Variants in CD48 observed in about 807,000 individuals in gnomAD.
CD48 encodes CD48 molecule.
CD48 carries 20 observed loss-of-function variants against 22.0 expected under a neutral mutation model. The observed-to-expected ratio is 0.91, with a 90% CI of 0.64 to 1.32. CD48 has a LOEUF of 1.32. CD48 is among the 40% of genes most tolerant of loss of function. The pLI, the probability that CD48 is intolerant of heterozygous loss-of-function variation, is 0.00. For missense variants in CD48, 307 were observed against 286.5 expected (o/e 1.07, Z -0.52); for synonymous variants, 110 against 110.1 (o/e 1.00, Z 0.01).
At chr1:160,698,104 C>T (rs1042015659) in intron 1 of CD48, among the ~76,000 whole-genome samples, 1 of 152,162 alleles carries the variant, frequency 6.6e-6, no homozygotes, top group Admixed American at 6.5e-5. Flanking sequence ...ATACTATCGA[C>T]CTAAATTCCA....
chr1:160,706,085 A>ATT (rs1558039758), intron 1 of CD48, among the ~76,000 whole-genome samples: 1 of 151,944 alleles, frequency 6.6e-6, no homozygotes, highest in African/African-American at 2.4e-5. Flanking sequence ...ATATATATAT[A>ATT]ATTTTTTTTA....
In CD48 at chr1:160,679,139, A is replaced by G. The variant is rs1311840264; in HGVS notation, c.653-8T>C. The G allele has an allele frequency of 2.5e-6, 4 of 1,613,566 alleles. No homozygotes were observed. Among genetic ancestry groups the G allele is most frequent in the Non-Finnish European group, 2.5e-6 (3 of 1,179,446 alleles). ...CTACTCCAAAGGACCGGGCTGAAAG[A>G]GCAAGAAAACCCTATATGCTTAGGT... On this transcript the variant is annotated splice_polypyrimidine_tract_variant and splice_region_variant and intron_variant, in intron 3 of 3. Transcript: ENST00000368046.
At chr1:160,701,209 G>A (rs1250300016) in intron 1 of CD48, among the ~76,000 whole-genome samples, 1 of 34,140 alleles carries the variant, frequency 2.9e-5, no homozygotes, top group East Asian at 9.6e-4. Flanking sequence ...AACTATGAGA[G>A]GCTAATTTTT....
chr1:160,697,842 C>T (rs1333326048), intron 1 of CD48, among the ~76,000 whole-genome samples: 1 of 151,994 alleles, frequency 6.6e-6, no homozygotes, highest in Non-Finnish European at 1.5e-5. Context: ...CAGTCGTGTC[C>T]AAGTGCACAA....
At chr1:160,711,015 C>T (rs1662930107) in intron 1 of CD48, among the ~76,000 whole-genome samples, 1 of 152,150 alleles carries the variant, frequency 6.6e-6, no homozygotes, top group African/African-American at 2.4e-5. Flanking sequence ...GGTGAGGCAG[C>T]TCTAACAGGA....
intron 1 of CD48, among the ~76,000 whole-genome samples, chr1:160,693,850 G>A (rs532811427): frequency 6.6e-6 from 1 of 152,388 alleles, no homozygotes; most frequent in African/African-American, 2.4e-5. Context: ...GTTCCTCAGG[G>A]TTTTCAGGGA....
chr1:160,711,269 T>A (rs1388373621), intron 1 of CD48, among the ~76,000 whole-genome samples: 1 of 152,230 alleles, frequency 6.6e-6, no homozygotes, highest in African/African-American at 2.4e-5. Context: ...TGGCTCAGGA[T>A]GCAACACCTC....
At chr1:160,690,918 C>T (rs1662188496) in intron 1 of CD48, among the ~76,000 whole-genome samples, 2 of 152,236 alleles carry the variant, frequency 1.3e-5, no homozygotes, top group East Asian at 3.9e-4. Flanking sequence ...GACCTTACCC[C>T]CAACCCCGTG....
chr1:160,705,674 T>C (rs1018823110), intron 1 of CD48, among the ~76,000 whole-genome samples: 4 of 152,198 alleles, frequency 2.6e-5, no homozygotes, highest in Non-Finnish European at 4.4e-5. Context: ...ATTCCAGATT[T>C]GTTCTCCTTC....
Position 160,679,072 on chromosome 1 carries a change from G to T in CD48, c.712C>A (p.Leu238Ile). Reference sequence around the variant, plus strand: ...TCATCTCAGGTAAGTAACAGGCCAAGAATGGTGGGCACCGTGACCACTAGC... The same window carrying T: ...TCATCTCAGGTAAGTAACAGGCCAATAATGGTGGGCACCGTGACCACTAGC... Reference protein sequence around the residue: ...SWLVVTVPTILGLLLT With the variant: ...SWLVVTVPTIIGLLLT Residue 238 changes from leucine (L) to isoleucine (I), a missense_variant, in exon 4 of 4, where the codon CTT becomes ATT. Transcript: ENST00000368046. 1.2e-6 allele frequency: 2 copies of T among 1,614,034 alleles called. No individual in the cohort carries two copies. The highest frequency in any genetic ancestry group is 1.7e-6 in the Non-Finnish European group (2 of 1,179,888).
chr1:160,684,925 C>T lies in CD48; in HGVS notation c.347G>A (p.Gly116Glu), dbSNP rs112118306. ...TYIMRVLKKT[G>E]NEQEWKIKLQ... is the part of the protein sequence containing the mutation. Reference sequence around the variant, plus strand: ...CTTGATCTTCCATTCTTGCTCATTCCCAGTCTTTTTCAACACCCTCATGAT... The same window carrying T: ...CTTGATCTTCCATTCTTGCTCATTCTCAGTCTTTTTCAACACCCTCATGAT... The change falls in exon 2 of 4, where the codon GGG becomes GAG. Residue 116 changes from glycine to glutamate, a missense_variant. Physicochemically the swap from Gly to Glu is moderately conservative, Grantham distance 98. Coordinates refer to ENST00000368046, the MANE Select transcript of CD48 (RefSeq NM_001778.4). 342 of 1,614,098 alleles carry T rather than the reference C, an allele frequency of 2.1e-4. 1 individual carries two copies. The African/African-American group carries it at 3.1e-3, about 15-fold the overall frequency.
chr1:160,709,697 C>G, intron 1 of CD48, among the ~76,000 whole-genome samples: 1 of 152,120 alleles, frequency 6.6e-6, no homozygotes, highest in East Asian at 1.9e-4. Context: ...GCATCCCTTA[C>G]GGCAGAGGAG....
At chr1:160,705,144 G>A (rs1326402490) in intron 1 of CD48, among the ~76,000 whole-genome samples, 1 of 152,176 alleles carries the variant, frequency 6.6e-6, no homozygotes, top group Non-Finnish European at 1.5e-5. Flanking sequence ...AGATAAAAAT[G>A]TCTGTGACCC....
chr1:160,681,075 C>A (rs774098485), intron 3 of CD48, 127 bp downstream of exon 3: 2 of 1,540,448 alleles, frequency 1.3e-6, no homozygotes, highest in South Asian at 2.4e-5. Context: ...TCTCCCAGCT[C>A]TCCCAGACAC....
intron 1 of CD48, among the ~76,000 whole-genome samples, chr1:160,706,475 T>C (rs1319492441): frequency 6.6e-6 from 1 of 152,178 alleles, no homozygotes; most frequent in Non-Finnish European, 1.5e-5. Context: ...CCAAAAAGGC[T>C]GTCCTGATGG....
chr1:160,682,684 G>A lies in CD48; in HGVS notation c.386-1216C>T, dbSNP rs79602253. On this transcript the variant is annotated intron_variant, in intron 2 of 3. Coordinates refer to ENST00000368046, the MANE Select transcript of CD48 (RefSeq NM_001778.4). The stretch of plus-strand genomic sequence containing the variant: ...ATCTGTAAACTGACTCTACCTCATC[G>A]CGCAATGTTAGTAAGATAAAACGTC... 6.8e-3 allele frequency among the ~76,000 whole-genome samples: 1,028 copies of A among 152,192 alleles called. 6 individuals carry two copies. The highest frequency in any genetic ancestry group is 0.011 in the Non-Finnish European group (751 of 68,006).
chr1:160,701,229 A>AGAAGGGGCAGGCAT (rs1553248362), intron 1 of CD48, among the ~76,000 whole-genome samples: 1 of 94,520 alleles, frequency 1.1e-5, no homozygotes, highest in African/African-American at 3.8e-5. Context: ...TAGGTATTAA[A>AGAAGGGGCAGGCAT]GCCAGGTTGG....
At chr1:160,688,786 G>C (rs1490421192) in intron 1 of CD48, among the ~76,000 whole-genome samples, 2 of 152,162 alleles carry the variant, frequency 1.3e-5, no homozygotes, top group East Asian at 1.9e-4. Flanking sequence ...AGAATGAGCT[G>C]ATCCTCCTAT....
Position 160,708,439 on chromosome 1 carries a change from G to A in CD48, c.82+3243C>T, listed in dbSNP as rs188166289. Reference sequence around the variant, plus strand: ...GAACAGGTTAGCTAGAGAGAATGCAGTAAATAGAGCAGTTAGGATAGTGGA... The same window carrying A: ...GAACAGGTTAGCTAGAGAGAATGCAATAAATAGAGCAGTTAGGATAGTGGA... On this transcript the variant is annotated intron_variant, in intron 1 of 3. Transcript: ENST00000368046. Among the ~76,000 whole-genome samples, 590 of 152,308 alleles carry A rather than the reference G, an allele frequency of 3.9e-3. 2 individuals carry two copies. The highest frequency in any genetic ancestry group is 0.013 in the African/African-American group (550 of 41,568).
Sources: gnomAD v4.1 joint callset for allele counts (sites outside exome capture counted in the v4.1 genomes callset) on GRCh38, gnomAD v4.1.1 for gene constraint, MANE v1.5 for transcripts, NCBI Gene and HGNC (gene_info 2026-07-23, HGNC 2026-07-21) for gene names.